LRP1B: variants seen among roughly 807,000 people sequenced by gnomAD.
LRP1B encodes low-density lipoprotein receptor-related protein 1B.
In LRP1B, 217 loss-of-function variants were observed where a neutral mutation model predicts 556.6. The observed-to-expected ratio is 0.39, with a 90% CI of 0.35 to 0.44. The LOEUF (loss-of-function observed/expected upper bound fraction) is 0.44, where lower values mean the gene tolerates loss of function less well. Ranked by LOEUF, LRP1B falls within the 20% of genes least tolerant of loss-of-function variation. LRP1B has a pLI of 1.00. For missense variants in LRP1B, 5,053 were observed against 5,620.8 expected (o/e 0.90, Z 3.23); for synonymous variants, 2,047 against 1,865.8 (o/e 1.10, Z -2.50).
At chr2:142,065,519 T>C (rs1362976536) in intron 1 of LRP1B, among the ~76,000 whole-genome samples, 1 of 151,342 alleles carries the variant, frequency 6.6e-6, no homozygotes, top group African/African-American at 2.4e-5. Flanking sequence ...GTAATTATTT[T>C]GGGCTTACCC....
At chr2:140,893,566 T>C (rs1409126390) in intron 23 of LRP1B, among the ~76,000 whole-genome samples, 2 of 152,196 alleles carry the variant, frequency 1.3e-5, no homozygotes, top group Non-Finnish European at 1.5e-5. Context: ...TTCATTTCCG[T>C]AGGTATAAAA....
intron 7 of LRP1B, among the ~76,000 whole-genome samples, chr2:141,076,193 G>A (rs916510281): frequency 6.6e-6 from 1 of 152,158 alleles, no homozygotes; most frequent in South Asian, 2.1e-4. Flanking sequence ...GACTAAAAAG[G>A]CCAAATGAAG....
intron 1 of LRP1B, among the ~76,000 whole-genome samples, chr2:142,090,304 CAGAT>C (rs1246220172): frequency 6.6e-6 from 1 of 152,046 alleles, no homozygotes; most frequent in Admixed American, 6.5e-5. Flanking sequence ...ATATGAGGAT[CAGAT>C]ACATACTCTT....
chr2:140,951,528 C>T (rs573763268), intron 19 of LRP1B, among the ~76,000 whole-genome samples: 14 of 152,248 alleles, frequency 9.2e-5, no homozygotes, highest in African/African-American at 3.1e-4. Context: ...GCTTCTCCTC[C>T]TGAGGTTACA....
chr2:140,644,582 T>C (rs1684413881), intron 41 of LRP1B, among the ~76,000 whole-genome samples: 2 of 151,912 alleles, frequency 1.3e-5, no homozygotes, highest in Non-Finnish European at 2.9e-5. Flanking sequence ...ATTTCTTTTA[T>C]TTTTTATTTT....
chr2:141,852,485 A>G (rs1295544346), intron 1 of LRP1B, among the ~76,000 whole-genome samples: 2 of 151,822 alleles, frequency 1.3e-5, no homozygotes, highest in Non-Finnish European at 2.9e-5. Flanking sequence ...TAACTCTGCA[A>G]TGAAAATAGC....
At chr2:140,981,280 T>C (rs770365515) in intron 18 of LRP1B, among the ~76,000 whole-genome samples, 101 of 151,934 alleles carry the variant, frequency 6.6e-4, no homozygotes, top group Non-Finnish European at 1.3e-3. Context: ...AACAGAAGGG[T>C]TAAAAAAACC....
At chr2:140,380,105 A>G (rs969924639) in intron 67 of LRP1B, among the ~76,000 whole-genome samples, 7 of 152,168 alleles carry the variant, frequency 4.6e-5, no homozygotes, top group Admixed American at 3.9e-4. Context: ...GAATTTTTGT[A>G]ACAACTCTCT....
At chr2:140,626,705 A>T (rs1481796893) in intron 41 of LRP1B, among the ~76,000 whole-genome samples, 6 of 44,916 alleles carry the variant, frequency 1.3e-4, no homozygotes, top group African/African-American at 8.0e-4. Context: ...TCCATTTAAA[A>T]AAAAAAAAAA....
intron 1 of LRP1B, among the ~76,000 whole-genome samples, chr2:142,091,841 G>A (rs946892445): frequency 1.3e-5 from 2 of 152,116 alleles, no homozygotes; most frequent in African/African-American, 4.8e-5. Context: ...ACCCAATTTT[G>A]ATCAATGGAA....
chr2:140,672,482 T>TAAAAAAAAAAAAAAAAAAAAAAAAAAA (rs55884730), intron 41 of LRP1B, among the ~76,000 whole-genome samples: 1 of 81,592 alleles, frequency 1.2e-5, no homozygotes, highest in Non-Finnish European at 2.2e-5. Flanking sequence ...AGACTCCATC[T>TAAAAAAAAAAAAAAAAAAAAAAAAAAA]AAAAAAAAAA....
chr2:140,734,953 A>G (rs1332324967), intron 35 of LRP1B, among the ~76,000 whole-genome samples: 1 of 151,976 alleles, frequency 6.6e-6, no homozygotes, highest in Non-Finnish European at 1.5e-5. Flanking sequence ...AACTCTCCTC[A>G]TTTTCTCTCA....
chr2:142,068,304 A>G (rs1705183605), intron 1 of LRP1B, among the ~76,000 whole-genome samples: 1 of 151,518 alleles, frequency 6.6e-6, no homozygotes, highest in South Asian at 2.1e-4. Flanking sequence ...TATTTTGTCT[A>G]ATTGTGAATT....
At chr2:141,902,452 T>C (rs1699647419) in intron 1 of LRP1B, among the ~76,000 whole-genome samples, 1 of 151,978 alleles carries the variant, frequency 6.6e-6, no homozygotes, top group South Asian at 2.1e-4. Context: ...ACCATGCTAT[T>C]CTTGATTTAG....
chr2:141,464,064 G>T (rs1213577742), intron 3 of LRP1B, among the ~76,000 whole-genome samples: 1 of 151,806 alleles, frequency 6.6e-6, no homozygotes, highest in Admixed American at 6.6e-5. Flanking sequence ...AAAGTATGCT[G>T]TCCTGGCTGG....
chr2:141,995,276 G>C (rs1261084349), intron 1 of LRP1B, among the ~76,000 whole-genome samples: 1 of 152,044 alleles, frequency 6.6e-6, no homozygotes, highest in Non-Finnish European at 1.5e-5. Context: ...ATGTTTCCTT[G>C]CCTTTTCCAA....
chr2:140,814,520 G>A (rs1386631276), intron 31 of LRP1B, among the ~76,000 whole-genome samples: 1 of 152,094 alleles, frequency 6.6e-6, no homozygotes, highest in African/African-American at 2.4e-5. Flanking sequence ...ATGCCACTTT[G>A]CCTCAGAAAG....
chr2:141,791,113 C>T (rs1695595003), intron 2 of LRP1B, among the ~76,000 whole-genome samples: 1 of 151,722 alleles, frequency 6.6e-6, no homozygotes, highest in Non-Finnish European at 1.5e-5. Flanking sequence ...ATAATTTTTA[C>T]TAAAGCAATT....
intron 3 of LRP1B, among the ~76,000 whole-genome samples, chr2:141,276,249 C>G (rs1206523106): frequency 6.6e-6 from 1 of 152,102 alleles, no homozygotes. Context: ...GCACTTACCA[C>G]AGTCTGTAAA....
Sources: gnomAD v4.1 joint callset for allele counts (sites outside exome capture counted in the v4.1 genomes callset) on GRCh38, gnomAD v4.1.1 for gene constraint, MANE v1.5 for transcripts, NCBI Gene and HGNC (gene_info 2026-07-23, HGNC 2026-07-21) for gene names.